TMEM135: variants seen among roughly 807,000 people sequenced by gnomAD.
The protein encoded by TMEM135 is peroxisomal membrane protein 52.
A neutral mutation model predicts 60.3 loss-of-function variants in TMEM135; 30 were observed. That is an observed-to-expected ratio of 0.50 (90% CI 0.37 to 0.68). TMEM135 has a LOEUF of 0.68. Among genes scored for constraint, TMEM135 ranks in the 30% least tolerant of loss-of-function variants. The pLI is 0.00. For synonymous variants in TMEM135, 190 were observed against 186.7 expected, an observed-to-expected ratio of 1.02 and a Z score of -0.14; for missense variants, 468 against 548.8, an observed-to-expected ratio of 0.85 and a Z score of 1.47.
intron 1 of TMEM135, among the ~76,000 whole-genome samples, chr11:87,059,868 CA>C (rs1949929710): frequency 1.3e-5 from 2 of 152,230 alleles, no homozygotes; most frequent in South Asian, 4.1e-4. Context: ...GTAATTCCAG[CA>C]CTTTGTGAGG....
intron 1 of TMEM135, among the ~76,000 whole-genome samples, chr11:87,061,352 G>A (rs372357572): frequency 8.5e-5 from 13 of 152,274 alleles, no homozygotes; most frequent in African/African-American, 2.6e-4. Flanking sequence ...CAGGGATGCT[G>A]CTAAACATCC....
chr11:87,163,013 T>G (rs1285941696), intron 5 of TMEM135, among the ~76,000 whole-genome samples: 1 of 133,354 alleles, frequency 7.5e-6, no homozygotes, highest in Non-Finnish European at 1.6e-5. Flanking sequence ...CTTATAAATG[T>G]CTTCTTTTTT....
At chr11:87,053,627 A>G (rs1156357598) in intron 1 of TMEM135, among the ~76,000 whole-genome samples, 1 of 152,176 alleles carries the variant, frequency 6.6e-6, no homozygotes, top group Non-Finnish European at 1.5e-5. Context: ...CTTTTATAGT[A>G]TAGTGAATGT....
At chr11:87,140,402 A>G (rs1354205289) in intron 4 of TMEM135, among the ~76,000 whole-genome samples, 1 of 152,196 alleles carries the variant, frequency 6.6e-6, no homozygotes, top group Admixed American at 6.5e-5. Context: ...ATGGGCTATC[A>G]TGGGCAAACA....
At chr11:87,181,191 A>G (rs1438255400) in intron 5 of TMEM135, among the ~76,000 whole-genome samples, 1 of 152,196 alleles carries the variant, frequency 6.6e-6, no homozygotes, top group African/African-American at 2.4e-5. Flanking sequence ...AATACCTAAA[A>G]ATGTTCTAGA....
At chr11:87,127,870 T>TA (rs1463921736) in intron 4 of TMEM135, among the ~76,000 whole-genome samples, 1 of 117,450 alleles carries the variant, frequency 8.5e-6, no homozygotes, top group Non-Finnish European at 1.9e-5. Flanking sequence ...AAATATTTGT[T>TA]ATTGAATGAA....
At chr11:87,251,518 T>C (rs1941415545) in intron 6 of TMEM135, among the ~76,000 whole-genome samples, 1 of 152,130 alleles carries the variant, frequency 6.6e-6, no homozygotes, top group Non-Finnish European at 1.5e-5. Flanking sequence ...AGGTAGGGCT[T>C]TGAGGATTGA....
At chr11:87,266,403 A>G (rs1029924448) in intron 6 of TMEM135, among the ~76,000 whole-genome samples, 5 of 152,286 alleles carry the variant, frequency 3.3e-5, no homozygotes, top group African/African-American at 9.6e-5. Context: ...TTTGTCTTCA[A>G]AATCAGTTTG....
At chr11:87,245,131 G>T (rs1456424061) in intron 6 of TMEM135, among the ~76,000 whole-genome samples, 1 of 142,258 alleles carries the variant, frequency 7.0e-6, no homozygotes, top group African/African-American at 2.6e-5. Context: ...TCAGGAGCAG[G>T]TTGTTCAGTT....
chr11:87,118,594 G>A (rs994474013), intron 4 of TMEM135, among the ~76,000 whole-genome samples: 14 of 151,970 alleles, frequency 9.2e-5, no homozygotes, highest in African/African-American at 3.1e-4. Flanking sequence ...GATAACAGGT[G>A]CCTGCCACCA....
intron 6 of TMEM135, among the ~76,000 whole-genome samples, chr11:87,273,312 C>T (rs1030871039): frequency 3.3e-5 from 5 of 152,066 alleles, no homozygotes; most frequent in African/African-American, 1.2e-4. Flanking sequence ...TTGTTATTAC[C>T]TACCCGTGTT....
chr11:87,286,892 T>G (rs955496516), intron 6 of TMEM135, among the ~76,000 whole-genome samples: 2 of 152,224 alleles, frequency 1.3e-5, no homozygotes, highest in Non-Finnish European at 2.9e-5. Flanking sequence ...TGTTTACACT[T>G]GAACTTTCAG....
At chr11:87,271,436 T>A (rs1318375501) in intron 6 of TMEM135, among the ~76,000 whole-genome samples, 1 of 152,230 alleles carries the variant, frequency 6.6e-6, no homozygotes, top group Non-Finnish European at 1.5e-5. Context: ...AAAACAGCAT[T>A]GTCCAATATG....
chr11:87,282,940 T>G (rs965384198), intron 6 of TMEM135, among the ~76,000 whole-genome samples: 1 of 152,218 alleles, frequency 6.6e-6, no homozygotes, highest in East Asian at 1.9e-4. Context: ...ATACCACAGA[T>G]TAAGTTCAAA....
intron 5 of TMEM135, among the ~76,000 whole-genome samples, chr11:87,235,760 T>G (rs1940981351): frequency 6.6e-6 from 1 of 151,998 alleles, no homozygotes; most frequent in African/African-American, 2.4e-5. Flanking sequence ...TAATCTGTTT[T>G]TTTGGTATAA....
At chr11:87,259,809 A>C (rs1203047202) in intron 6 of TMEM135, among the ~76,000 whole-genome samples, 1 of 152,222 alleles carries the variant, frequency 6.6e-6, no homozygotes, top group Non-Finnish European at 1.5e-5. Context: ...TTAAGTTCTA[A>C]AATTTCAGTC....
chr11:87,297,756 C>G (rs1942371230), intron 7 of TMEM135, among the ~76,000 whole-genome samples: 1 of 152,154 alleles, frequency 6.6e-6, no homozygotes, highest in Admixed American at 6.5e-5. Flanking sequence ...TGCTAATATT[C>G]TTGTTGCTAA....
At chr11:87,043,320 C>T (rs2512372) in intron 1 of TMEM135, among the ~76,000 whole-genome samples, 2 of 152,036 alleles carry the variant, frequency 1.3e-5, no homozygotes, top group Admixed American at 6.6e-5. Flanking sequence ...ACAATGTATG[C>T]ATGTACCAAA....
chr11:87,139,544 C>T (rs75669975), intron 4 of TMEM135, among the ~76,000 whole-genome samples: 2,900 of 152,210 alleles, frequency 0.019, 76 homozygotes, highest in East Asian at 0.064. Context: ...TATATGTTTT[C>T]ATTTATCTTG....
Sources: allele counts gnomAD v4.1 joint callset (sites outside exome capture counted in the v4.1 genomes callset), GRCh38; gene constraint gnomAD v4.1.1; transcripts MANE v1.5; gene names NCBI Gene and HGNC (gene_info 2026-07-23, HGNC 2026-07-21).